Variants in CDC42EP5 observed in about 807,000 individuals in gnomAD.
The protein encoded by CDC42EP5 is CDC42 effector protein (Rho GTPase binding) 5.
For missense variants in CDC42EP5, 269 were observed against 238.0 expected (o/e 1.13, Z -0.86); for synonymous variants, 118 against 123.3 (o/e 0.96, Z 0.28).
chr19:54,469,748 G>A (rs927571400), intron 2 of CDC42EP5, among the ~76,000 whole-genome samples: 2 of 152,132 alleles, frequency 1.3e-5, no homozygotes, highest in African/African-American at 4.8e-5. Flanking sequence ...TCCGAGACAG[G>A]ACGTGACTGA....
intron 2 of CDC42EP5, among the ~76,000 whole-genome samples, chr19:54,468,414 A>T (rs1043036264): frequency 2.6e-5 from 4 of 151,988 alleles, no homozygotes; most frequent in Admixed American, 2.6e-4. Context: ...ACCAGTTTTG[A>T]TTTACTACCT....
chr19:54,468,927 C>CTTTCT (rs2084796358), intron 2 of CDC42EP5, among the ~76,000 whole-genome samples: 1 of 145,756 alleles, frequency 6.9e-6, no homozygotes, highest in African/African-American at 2.6e-5. Flanking sequence ...TTCCTTCTTT[C>CTTTCT]TTTCTTTTCT....
At chr19:54,469,552 C>G (rs1423096764) in intron 2 of CDC42EP5, among the ~76,000 whole-genome samples, 1 of 152,184 alleles carries the variant, frequency 6.6e-6, no homozygotes, top group African/African-American at 2.4e-5. Context: ...ACCTCATTTC[C>G]TTATCTTGAA....
At chr19:54,470,517 GGAAA>G (rs993024654) in intron 2 of CDC42EP5, among the ~76,000 whole-genome samples, 12 of 122,490 alleles carry the variant, frequency 9.8e-5, no homozygotes, top group Non-Finnish European at 1.7e-4. Flanking sequence ...AAGAAAGAAA[GGAAA>G]GAAGGAAGGA....
intron 2 of CDC42EP5, among the ~76,000 whole-genome samples, chr19:54,467,868 T>C (rs2084777071): frequency 6.6e-6 from 1 of 152,170 alleles, no homozygotes; most frequent in Admixed American, 6.5e-5. Flanking sequence ...TCTGCCCATA[T>C]CCTGGTCATT....
intron 2 of CDC42EP5, among the ~76,000 whole-genome samples, chr19:54,467,207 T>C (rs112904495): frequency 0.5 from 74,880 of 149,792 alleles, 19,232 homozygotes; most frequent in East Asian, 0.75. Context: ...CCAGCACTTT[T>C]GGAGGCTGAA....
At chr19:54,468,579 C>G (rs1015926538) in intron 2 of CDC42EP5, among the ~76,000 whole-genome samples, 1 of 152,190 alleles carries the variant, frequency 6.6e-6, no homozygotes, top group Non-Finnish European at 1.5e-5. Flanking sequence ...GGGTCTCACT[C>G]TGTCACCCAG....
In CDC42EP5 at chr19:54,468,920, C is replaced by T. The variant is rs1269123112; in HGVS notation, c.-1+2625G>A. 4.8e-5 allele frequency among the ~76,000 whole-genome samples: 6 copies of T among 123,890 alleles called. No individual in the cohort carries two copies. In the South Asian group the frequency reaches 8.3e-4, roughly 17 times the overall value. The allele number at this position is 123,890 out of a possible 152,430, so 81.3% of individuals were successfully genotyped here. On this transcript the variant is annotated intron_variant, in intron 2 of 2. Coordinates refer to ENST00000301200, the MANE Select transcript of CDC42EP5 (RefSeq NM_145057.4). The stretch of plus-strand genomic sequence containing the variant: ...CCTTCCTTCCTTCCTTCCTTCCTTC[C>T]TTCTTTCTTTCTTTTCTTCCCTCCC...
Position 54,468,646 on chromosome 19 carries a change from C to T in CDC42EP5, c.-1+2899G>A, listed in dbSNP as rs181400797. ...GCAACCTCCGCCTCCCGGACTCAAG[C>T]GATCCTCCCACCTCAGACTCCTGAG... On this transcript the variant is annotated intron_variant, in intron 2 of 2. Coordinates refer to ENST00000301200, the MANE Select transcript of CDC42EP5 (RefSeq NM_145057.4). 3.3e-5 allele frequency among the ~76,000 whole-genome samples: 5 copies of T among 151,144 alleles called. No homozygotes were observed. The East Asian group carries it at 5.9e-4, about 18-fold the overall frequency.
chr19:54,468,920 C>CTTCCTTCCTTCTTTCTTTCT (rs753994637), intron 2 of CDC42EP5, among the ~76,000 whole-genome samples: 2,900 of 123,898 alleles, frequency 0.023, 74 homozygotes, highest in South Asian at 0.069. Flanking sequence ...TCCTTCCTTC[C>CTTCCTTCCTTCTTTCTTTCT]TTCTTTCTTT....
rs912177413 is a variant in CDC42EP5 at position 54,465,349 on chromosome 19, C to A, written c.199G>T (p.Ala67Ser). The change falls in exon 3 of 3, where the codon GCC becomes TCC. Residue 67 changes from alanine (A) to serine (S), a missense_variant. Ala to Ser is a moderately conservative substitution (Grantham distance 99, BLOSUM62 1). Transcript: ENST00000301200. The stretch of plus-strand genomic sequence containing the variant: ...GCGGGCGGCGGCGGGGAGCGCGGGG[C>A]CCCCGCGGGGGGCGCCCGGGGCTCG... ...PPEPRAPPAGAPRSPPPPAVP... is the reference protein window; with the variant it reads ...PPEPRAPPAGSPRSPPPPAVP... 7.8e-6 allele frequency: 9 copies of A among 1,159,966 alleles called. No individual in the cohort carries two copies. Among genetic ancestry groups the A allele is most frequent in the South Asian group, 4.2e-5 (1 of 23,692 alleles). 71.9% of individuals were successfully genotyped at this position (1,159,966 alleles called of 1,614,324 possible).
chr19:54,470,064 A>C (rs761357110), intron 2 of CDC42EP5, among the ~76,000 whole-genome samples: 12 of 152,104 alleles, frequency 7.9e-5, no homozygotes, highest in Non-Finnish European at 1.3e-4. Flanking sequence ...CTCAAAAAAC[A>C]GGGGTTGGAA....
chr19:54,472,486 A>T (rs1232234919), intron 1 of CDC42EP5, among the ~76,000 whole-genome samples: 1 of 64,970 alleles, frequency 1.5e-5, no homozygotes, highest in African/African-American at 7.2e-5. Context: ...CTCCTCCCTC[A>T]GACCCAGGAG....
At chr19:54,465,594 C>A in intron 2 of CDC42EP5, 47 bp from the exon 3 acceptor site, 1 of 1,404,628 alleles carries the variant, frequency 7.1e-7, no homozygotes, top group Admixed American at 3.4e-5. Flanking sequence ...CCGGGGCTCG[C>A]AGCCACGCGA....
intron 1 of CDC42EP5, 143 bp from the exon 2 acceptor site, chr19:54,471,828 C>T: frequency 5.8e-6 from 1 of 172,914 alleles, no homozygotes; most frequent in Non-Finnish European, 1.2e-5. Flanking sequence ...ACCCGAAAGT[C>T]AGGGGCCCCC....
chr19:54,468,951 C>A (rs2084798378), intron 2 of CDC42EP5, among the ~76,000 whole-genome samples: 1 of 143,884 alleles, frequency 7.0e-6, no homozygotes, highest in Non-Finnish European at 1.5e-5. Context: ...CTCCCTCCCT[C>A]CTTCCTTCCT....
chr19:54,469,589 C>A (rs772373080), intron 2 of CDC42EP5, among the ~76,000 whole-genome samples: 4 of 152,226 alleles, frequency 2.6e-5, no homozygotes, highest in Non-Finnish European at 4.4e-5. Flanking sequence ...TCTAATACTT[C>A]CCAGTCCTTT....
chr19:54,468,992 CT>C (rs2084799891), intron 2 of CDC42EP5, among the ~76,000 whole-genome samples: 1 of 144,064 alleles, frequency 6.9e-6, no homozygotes, highest in South Asian at 2.2e-4. Context: ...TCCTTCCTTC[CT>C]TCTTTCTTTC....
Position 54,472,790 on chromosome 19 carries a change from T to C in CDC42EP5, c.-142+274A>G, listed in dbSNP as rs540957041. The stretch of plus-strand genomic sequence containing the variant: ...ACCCCCAGCCCCTCTTCCCTCAGAC[T>C]CAGGGGTCCAGACCCCCAGCCCCTT... On this transcript the variant is annotated intron_variant, in intron 1 of 2. Coordinates refer to ENST00000301200, the MANE Select transcript of CDC42EP5 (RefSeq NM_145057.4). Among the ~76,000 whole-genome samples, 10 of 37,804 alleles carry C rather than the reference T, an allele frequency of 2.6e-4. 1 individual carries two copies. The highest frequency in any genetic ancestry group is 4.0e-4 in the Admixed American group (1 of 2,496). 24.8% of individuals were successfully genotyped at this position (37,804 alleles called of 152,430 possible). A position where few individuals can be genotyped will look rare whatever the true frequency, so the allele number is the denominator to read the frequency against.
Sources: allele counts gnomAD v4.1 joint callset (sites outside exome capture counted in the v4.1 genomes callset), GRCh38; gene constraint gnomAD v4.1.1; transcripts MANE v1.5; gene names NCBI Gene and HGNC (gene_info 2026-07-23, HGNC 2026-07-21).